Variants in TCAIM observed in about 807,000 individuals in gnomAD.
TCAIM encodes the protein T-cell activation inhibitor, mitochondrial.
TCAIM carries 36 observed loss-of-function variants against 58.6 expected under a neutral mutation model. The observed-to-expected ratio is 0.61, with a 90% CI of 0.47 to 0.81. TCAIM has a LOEUF of 0.81. Ranked by LOEUF, TCAIM falls within the 30% of genes least tolerant of loss-of-function variation. The pLI is 0.00. For synonymous variants in TCAIM, 172 were observed against 193.6 expected, an observed-to-expected ratio of 0.89 and a Z score of 0.93; for missense variants, 466 against 579.6, an observed-to-expected ratio of 0.80 and a Z score of 2.01.
intron 3 of TCAIM, among the ~76,000 whole-genome samples, chr3:44,360,015 A>G (rs1701269985): frequency 6.6e-6 from 1 of 152,230 alleles, no homozygotes; most frequent in Admixed American, 6.5e-5. Context: ...GATATCCCAG[A>G]TATGGCTTGT....
intron 1 of TCAIM, chr3:44,341,178 A>G (rs1332252564): frequency 6.6e-6 from 1 of 152,132 alleles, no homozygotes; most frequent in Non-Finnish European, 1.5e-5. Context: ...ATTATTGGAA[A>G]AAGGAAAAGT....
At chr3:44,398,022 A>G (rs1701961350) in intron 8 of TCAIM, among the ~76,000 whole-genome samples, 1 of 152,048 alleles carries the variant, frequency 6.6e-6, no homozygotes, top group South Asian at 2.1e-4. Context: ...TTCAGCAGAA[A>G]AAAAAAAACA....
chr3:44,348,065 G>A (rs1331406214), intron 1 of TCAIM, among the ~76,000 whole-genome samples: 1 of 152,218 alleles, frequency 6.6e-6, no homozygotes, highest in Non-Finnish European at 1.5e-5. Context: ...GTCCAAGTTG[G>A]CACCAGAGTT....
intron 5 of TCAIM, among the ~76,000 whole-genome samples, chr3:44,389,019 C>T (rs1054899025): frequency 2.6e-5 from 4 of 152,168 alleles, no homozygotes; most frequent in Admixed American, 1.3e-4. Flanking sequence ...AAAGCCCGGC[C>T]GGTGGCTTAC....
At chr3:44,370,982 G>T (rs1009085736) in intron 5 of TCAIM, among the ~76,000 whole-genome samples, 27 of 150,232 alleles carry the variant, frequency 1.8e-4, no homozygotes, top group Middle Eastern at 6.8e-3. Flanking sequence ...CCCTATCTCG[G>T]CTCACTGCAA....
At chr3:44,405,715 G>A (rs1702089215) in intron 10 of TCAIM, among the ~76,000 whole-genome samples, 1 of 151,902 alleles carries the variant, frequency 6.6e-6, no homozygotes, top group African/African-American at 2.4e-5. Flanking sequence ...CAGCACTTTG[G>A]GAGGCTGAGG....
chr3:44,347,521 A>G (rs1422351152), intron 1 of TCAIM, among the ~76,000 whole-genome samples: 1 of 152,136 alleles, frequency 6.6e-6, no homozygotes, highest in Non-Finnish European at 1.5e-5. Flanking sequence ...TGAGATCCAG[A>G]ACAGAATAAT....
intron 6 of TCAIM, among the ~76,000 whole-genome samples, chr3:44,394,921 AATATATATATATATATATATATAT>A (rs869077768): frequency 4.1e-5 from 2 of 48,486 alleles, no homozygotes; most frequent in African/African-American, 1.8e-4. Context: ...AAAAAAAAAA[AATATATATATATATATATATATAT>A]ATATATATAT....
In TCAIM at chr3:44,407,832, T is replaced by G; in HGVS notation, c.*150T>G. 1 of 906,988 alleles carries G rather than the reference T, an allele frequency of 1.1e-6. No homozygotes were observed. The allele number at this position is 906,988 out of a possible 1,614,324, so 56.2% of individuals were successfully genotyped here. ...AGTAGACTTTTTTAAAAAAATTAAT[T>G]TCTGCTAGGAGAGGTTTTATATGCC... On this transcript the variant is annotated 3_prime_UTR_variant, in exon 11 of 11. Transcript: ENST00000342649.
chr3:44,363,920 CTTTTTTTT>C (rs56361211), intron 4 of TCAIM, among the ~76,000 whole-genome samples: 4 of 67,390 alleles, frequency 5.9e-5, no homozygotes, highest in South Asian at 9.9e-4. Flanking sequence ...GCAAGTCTGT[CTTTTTTTT>C]TTTTTTTTTT....
intron 6 of TCAIM, among the ~76,000 whole-genome samples, chr3:44,394,917 AAAAAATATATATATATATATATAT>A (rs1329966726): frequency 2.7e-5 from 1 of 36,884 alleles, no homozygotes; most frequent in African/African-American, 8.6e-5. Flanking sequence ...AAAAAAAAAA[AAAAAATATATATATATATATATAT>A]ATATATATAT....
Position 44,400,553 on chromosome 3 carries a change from C to T in TCAIM, c.1084C>T (p.Arg362Ter), listed in dbSNP as rs142888854. 5.6e-6 allele frequency: 9 copies of T among 1,613,362 alleles called. No individual in the cohort carries two copies. Among genetic ancestry groups the T allele is most frequent in the Non-Finnish European group, 6.8e-6 (8 of 1,179,760 alleles). Reference sequence around the variant, plus strand: ...GAAAAGTAGAATACTATTTCACCCTCGAAGTTTGCGTGGTTTACAAATGAT... The same window carrying T: ...GAAAAGTAGAATACTATTTCACCCTTGAAGTTTGCGTGGTTTACAAATGAT... ...LLKSRILFHP[R>*]SLRGLQMILN... Residue 362 changes from arginine to a stop codon, truncating the protein, a stop_gained, in exon 9 of 11, where the codon CGA becomes TGA. Transcript: ENST00000342649. LOFTEE classifies it high-confidence loss of function.
At chr3:44,380,178 T>A (rs1701632748) in intron 5 of TCAIM, among the ~76,000 whole-genome samples, 2 of 152,162 alleles carry the variant, frequency 1.3e-5, no homozygotes, top group Admixed American at 1.3e-4. Flanking sequence ...GGTCCAGATA[T>A]ACAGTTTGAT....
intron 5 of TCAIM, among the ~76,000 whole-genome samples, chr3:44,384,240 A>G (rs1701698975): frequency 6.6e-6 from 1 of 152,258 alleles, no homozygotes; most frequent in Admixed American, 6.5e-5. Context: ...ATCCTTTTAA[A>G]ATCCAATAAA....
intron 9 of TCAIM, chr3:44,400,831 C>A: frequency 1.9e-6 from 1 of 534,094 alleles, no homozygotes; most frequent in East Asian, 3.3e-5. Flanking sequence ...CAAAGTCAAT[C>A]CAATGGAAAA....
intron 1 of TCAIM, among the ~76,000 whole-genome samples, chr3:44,347,195 G>T (rs1700988116): frequency 6.6e-6 from 1 of 152,060 alleles, no homozygotes; most frequent in Non-Finnish European, 1.5e-5. Context: ...AAGAAATTTG[G>T]GTTTTGGAGG....
chr3:44,394,854 A>G (rs1179820225), intron 6 of TCAIM, among the ~76,000 whole-genome samples: 1 of 127,978 alleles, frequency 7.8e-6, no homozygotes, highest in Non-Finnish European at 1.6e-5. Flanking sequence ...AGATCACGCC[A>G]CTGCACTCCG....
intron 5 of TCAIM, among the ~76,000 whole-genome samples, chr3:44,386,735 C>T (rs140421527): frequency 7.2e-5 from 11 of 152,362 alleles, no homozygotes; most frequent in East Asian, 1.9e-4. Flanking sequence ...GGACTTTGGG[C>T]GCTGATGAGC....
chr3:44,364,253 A>T (rs1701336284), intron 4 of TCAIM, among the ~76,000 whole-genome samples: 2 of 151,770 alleles, frequency 1.3e-5, no homozygotes, highest in African/African-American at 4.8e-5. Flanking sequence ...AAAAAAAAAA[A>T]TGTAAAAGGT....
Sources: allele counts gnomAD v4.1 joint callset (sites outside exome capture counted in the v4.1 genomes callset), GRCh38; gene constraint gnomAD v4.1.1; transcripts MANE v1.5; gene names NCBI Gene and HGNC (gene_info 2026-07-23, HGNC 2026-07-21).